Variants in IQCM observed in about 807,000 individuals in gnomAD.
The protein encoded by IQCM is IQ motif containing M.
A neutral mutation model predicts 57.6 loss-of-function variants in IQCM; 45 were observed. That is an observed-to-expected ratio of 0.78 (90% CI 0.62 to 1.00). IQCM has a LOEUF of 1.00. IQCM is among the 50% of genes least tolerant of loss of function. The pLI is 0.00. For synonymous variants in IQCM, 148 were observed against 158.9 expected (o/e 0.93, Z 0.51); for missense variants, 468 against 511.6 (o/e 0.91, Z 0.82).
At chr4:149,604,432 T>C (rs1378844801) in intron 8 of IQCM, among the ~76,000 whole-genome samples, 2 of 152,194 alleles carry the variant, frequency 1.3e-5, no homozygotes, top group Non-Finnish European at 2.9e-5. Context: ...CCTAAAGGTA[T>C]ATAACTAAAG....
chr4:149,559,205 CA>C (rs1399474934), intron 10 of IQCM, among the ~76,000 whole-genome samples: 1 of 152,166 alleles, frequency 6.6e-6, no homozygotes, highest in Non-Finnish European at 1.5e-5. Flanking sequence ...TCCATTTTGT[CA>C]CCCTCTCCTC....
intron 3 of IQCM, among the ~76,000 whole-genome samples, chr4:149,736,768 A>G (rs1766982365): frequency 6.6e-6 from 1 of 152,198 alleles, no homozygotes; most frequent in African/African-American, 2.4e-5. Context: ...ATCAGTTTGG[A>G]AAAGGTATGG....
At chr4:149,416,110 A>T (rs1733728380) in intron 13 of IQCM, among the ~76,000 whole-genome samples, 1 of 151,708 alleles carries the variant, frequency 6.6e-6, no homozygotes, top group Non-Finnish European at 1.5e-5. Flanking sequence ...CTGAGTGCTT[A>T]TGACCCATAA....
intron 13 of IQCM, among the ~76,000 whole-genome samples, chr4:149,421,714 A>C (rs1378619214): frequency 6.6e-6 from 1 of 151,990 alleles, no homozygotes; most frequent in Non-Finnish European, 1.5e-5. Context: ...TTTAAGTCTA[A>C]AGTATCTATA....
chr4:149,686,436 T>A lies in IQCM; in HGVS notation c.418A>T (p.Ile140Phe). The change falls in exon 6 of 14, where the codon ATT (isoleucine) becomes TTT (phenylalanine). Residue 140 changes from isoleucine (I) to phenylalanine (F), a missense_variant. Physicochemically the swap from Ile to Phe is conservative, Grantham distance 21. Transcript: ENST00000636793. Reference sequence around the variant, plus strand: ...TCCATTTTTTTACTCACTGGTTCAATAATAGTCATGATTTTATCCAATTTA... The same window carrying A: ...TCCATTTTTTTACTCACTGGTTCAAAAATAGTCATGATTTTATCCAATTTA... ...QVKLDKIMTI[I>F]EPVSKKMETA... is the part of the protein sequence containing the mutation. The A allele has an allele frequency of 8.1e-7, 1 of 1,227,648 alleles. No individual in the cohort carries two copies. The highest frequency in any genetic ancestry group is 1.0e-6 in the Non-Finnish European group (1 of 984,370). 76.0% of individuals were successfully genotyped at this position (1,227,648 alleles called of 1,614,324 possible). A position where few individuals can be genotyped will look rare whatever the true frequency, so the allele number is the denominator to read the frequency against.
chr4:149,563,597 A>C, intron 10 of IQCM, 95 bp downstream of exon 10: 1 of 870,818 alleles, frequency 1.1e-6, no homozygotes, highest in Non-Finnish European at 1.5e-6. Context: ...CAAAAAAAAA[A>C]GTATGTACAT....
At chr4:149,625,613 C>G (rs1429982274) in intron 7 of IQCM, among the ~76,000 whole-genome samples, 8 of 152,150 alleles carry the variant, frequency 5.3e-5, no homozygotes, top group African/African-American at 1.9e-4. Flanking sequence ...TCGGATTTTT[C>G]TTGGCTTCCA....
chr4:149,352,305 T>C (rs1001519773), intron 13 of IQCM, among the ~76,000 whole-genome samples: 4 of 152,198 alleles, frequency 2.6e-5, no homozygotes, highest in African/African-American at 9.6e-5. Context: ...GAAACTGGGT[T>C]CCACTAATAT....
intron 12 of IQCM, among the ~76,000 whole-genome samples, chr4:149,492,976 G>T (rs1427782682): frequency 6.6e-6 from 1 of 152,094 alleles, no homozygotes; most frequent in Non-Finnish European, 1.5e-5. Context: ...GTGTGTTCCT[G>T]ATGTCCATCT....
chr4:149,699,137 T>C (rs547655612), intron 5 of IQCM, among the ~76,000 whole-genome samples: 6 of 152,090 alleles, frequency 3.9e-5, no homozygotes, highest in African/African-American at 9.7e-5. Flanking sequence ...ATCTCAAATA[T>C]GTAAACTTTT....
chr4:149,575,662 C>T (rs1216469172), intron 9 of IQCM, among the ~76,000 whole-genome samples: 1 of 151,826 alleles, frequency 6.6e-6, no homozygotes, highest in Non-Finnish European at 1.5e-5. Context: ...CTACGGAAAT[C>T]TGTTTAACTA....
At chr4:149,722,501 C>A (rs149360407) in intron 5 of IQCM, among the ~76,000 whole-genome samples, 263 of 152,158 alleles carry the variant, frequency 1.7e-3, no homozygotes, top group African/African-American at 5.2e-3. Flanking sequence ...CATTCTTCTA[C>A]ATGTGGGTAT....
In IQCM at chr4:149,633,016, CCGGGCGCGGTGG is replaced by C. The variant is rs556705494; in HGVS notation, c.566-11784_566-11773del. Reference sequence around the variant, plus strand: ...CTCTACTAAAAATACAAAAAATTAGCCGGGCGCGGTGGCGGGCGCCTGTAGTCCCAGCTACTC... The same window carrying C: ...CTCTACTAAAAATACAAAAAATTAGCCGGGCGCCTGTAGTCCCAGCTACTC... On this transcript the variant is annotated intron_variant, in intron 7 of 13. Coordinates refer to ENST00000636793, the MANE Select transcript of IQCM (RefSeq NM_001363507.2). 3.3e-3 allele frequency among the ~76,000 whole-genome samples: 498 copies of C among 150,046 alleles called. 4 individuals are homozygous for C. Among genetic ancestry groups the C allele is most frequent in the African/African-American group, 0.012 (470 of 40,452 alleles).
intron 12 of IQCM, among the ~76,000 whole-genome samples, chr4:149,481,701 G>GTTTTTTTTTTTTTTGTTTTTGT (rs1740834894): frequency 1.9e-5 from 1 of 51,580 alleles, no homozygotes; most frequent in Non-Finnish European, 3.7e-5. Flanking sequence ...TTCCAGTTTT[G>GTTTTTTTTTTTTTTGTTTTTGT]TTTTTTTTTT....
intron 12 of IQCM, among the ~76,000 whole-genome samples, chr4:149,457,147 T>A (rs2149704310): frequency 6.6e-6 from 1 of 152,238 alleles, no homozygotes; most frequent in Non-Finnish European, 1.5e-5. Flanking sequence ...TTTCTTAAAA[T>A]TGATACAGTT....
chr4:149,643,618 A>G (rs992484439), intron 7 of IQCM, among the ~76,000 whole-genome samples: 2 of 152,210 alleles, frequency 1.3e-5, no homozygotes, highest in Non-Finnish European at 2.9e-5. Flanking sequence ...AGAGATCTCT[A>G]TGGCTTAAGT....
intron 10 of IQCM, among the ~76,000 whole-genome samples, chr4:149,561,963 A>G (rs1027420244): frequency 2.0e-5 from 3 of 152,164 alleles, no homozygotes; most frequent in African/African-American, 7.2e-5. Context: ...TTATCAGAAG[A>G]TAAGGAAGGC....
chr4:149,630,275 T>C (rs1196575962), intron 7 of IQCM, among the ~76,000 whole-genome samples: 1 of 152,240 alleles, frequency 6.6e-6, no homozygotes, highest in Non-Finnish European at 1.5e-5. Context: ...GGCAATGGAC[T>C]GCAAACTCCA....
intron 8 of IQCM, among the ~76,000 whole-genome samples, chr4:149,615,079 T>C (rs1483892225): frequency 6.6e-6 from 1 of 152,212 alleles, no homozygotes; most frequent in African/African-American, 2.4e-5. Flanking sequence ...ACACTATAGA[T>C]AAGTGCATTG....
Sources: allele counts gnomAD v4.1 joint callset (sites outside exome capture counted in the v4.1 genomes callset), GRCh38; gene constraint gnomAD v4.1.1; transcripts MANE v1.5; gene names NCBI Gene and HGNC (gene_info 2026-07-23, HGNC 2026-07-21).